TMEM238L: variants seen among roughly 807,000 people sequenced by gnomAD.
TMEM238L encodes transmembrane protein 238-like.
rs1904818369 is a variant in TMEM238L, at chr17:10,803,814, T to C, written c.150A>G (p.Thr50=). ...GGCTGAGAGCCAGGATCAGGGCACC[T>C]GTGTAGATGAAGAAGTCCCAGGAAC... is the stretch of plus-strand genomic sequence containing the variant. Residue 50 remains threonine (T), a synonymous_variant, in exon 1 of 2, where the codon ACA becomes ACG. Transcript: ENST00000581851. 7.5e-6 allele frequency: 3 copies of C among 399,602 alleles called. No individual in the cohort carries two copies. The East Asian group carries it at 1.1e-4, about 14-fold the overall frequency. The allele number at this position is 399,602 out of a possible 1,614,324, so 24.8% of individuals were successfully genotyped here.
At chr17:10,803,198 T>C (rs888738639) in intron 1 of TMEM238L, among the ~76,000 whole-genome samples, 2 of 151,922 alleles carry the variant, frequency 1.3e-5, no homozygotes, top group African/African-American at 4.8e-5. Flanking sequence ...GGCACAAGAG[T>C]CATTGGGGAA....
Position 10,799,934 on chromosome 17 carries a change from CT to C in TMEM238L, c.*118+3671del, listed in dbSNP as rs562811496. Among the ~76,000 whole-genome samples, 340 of 142,514 alleles carry C rather than the reference CT, an allele frequency of 2.4e-3. 1 individual carries two copies. Among genetic ancestry groups the C allele is most frequent in the Admixed American group, 3.8e-3 (54 of 14,170 alleles). The allele number at this position is 142,514 out of a possible 152,430, so 93.5% of individuals were successfully genotyped here. ...TTGAAACCTCCCTTGGAAACCACATCTTTTTTTTTTTTTTTGAGACGGAGTC... is the reference window on the plus strand; with the variant it reads ...TTGAAACCTCCCTTGGAAACCACATCTTTTTTTTTTTTTTGAGACGGAGTC... On this transcript the variant is annotated intron_variant, in intron 1 of 1. Transcript: ENST00000581851.
chr17:10,801,265 C>T (rs1364986998), intron 1 of TMEM238L, among the ~76,000 whole-genome samples: 2 of 152,100 alleles, frequency 1.3e-5, no homozygotes, highest in Non-Finnish European at 2.9e-5. Flanking sequence ...GTCTCGATCT[C>T]CTGACCTCGT....
intron 1 of TMEM238L, among the ~76,000 whole-genome samples, chr17:10,800,114 A>G (rs1904692319): frequency 6.6e-6 from 1 of 151,984 alleles, no homozygotes; most frequent in African/African-American, 2.4e-5. Flanking sequence ...GTGTATTTTT[A>G]GTAGAGACAG....
exon 1 of TMEM238L, chr17:10,803,997 T>G: frequency 5.0e-6 from 2 of 399,366 alleles, no homozygotes; most frequent in Non-Finnish European, 8.8e-6. Context: ...CCAGCTGCAC[T>G]CCCGGGGGTG....
intron 1 of TMEM238L, among the ~76,000 whole-genome samples, chr17:10,803,068 C>T (rs910880785): frequency 5.3e-5 from 8 of 151,802 alleles, no homozygotes; most frequent in South Asian, 2.1e-4. Context: ...GTCCCTACCC[C>T]GCTTCTTGTA....
intron 1 of TMEM238L, chr17:10,802,340 C>T (rs986074175): frequency 6.6e-6 from 1 of 152,164 alleles, no homozygotes; most frequent in African/African-American, 2.4e-5. Context: ...CTTTCCCTGC[C>T]TTATCTCTTT....
chr17:10,801,970 A>G (rs992629761), intron 1 of TMEM238L, among the ~76,000 whole-genome samples: 2 of 151,980 alleles, frequency 1.3e-5, no homozygotes, highest in Admixed American at 1.3e-4. Flanking sequence ...TTTGGTGGAG[A>G]TGGGGTTTCA....
chr17:10,796,574 G>A (rs1474077456), intron 1 of TMEM238L, among the ~76,000 whole-genome samples: 2 of 152,204 alleles, frequency 1.3e-5, no homozygotes, highest in African/African-American at 4.8e-5. Flanking sequence ...AGCATCATCT[G>A]ATTTCTGTCT....
At chr17:10,803,192 C>T (rs1235024092) in intron 1 of TMEM238L, among the ~76,000 whole-genome samples, 2 of 152,096 alleles carry the variant, frequency 1.3e-5, no homozygotes, top group African/African-American at 4.8e-5. Context: ...TGCAAGGGCA[C>T]AAGAGTCATT....
chr17:10,799,477 C>T (rs1436336825), intron 1 of TMEM238L, among the ~76,000 whole-genome samples: 1 of 152,202 alleles, frequency 6.6e-6, no homozygotes, highest in African/African-American at 2.4e-5. Context: ...GGATGACAGG[C>T]ATGAGCTATC....
At chr17:10,801,260 G>T (rs920397389) in intron 1 of TMEM238L, among the ~76,000 whole-genome samples, 1 of 152,010 alleles carries the variant, frequency 6.6e-6, no homozygotes, top group Admixed American at 6.6e-5. Flanking sequence ...CTGTGGTCTC[G>T]ATCTCCTGAC....
chr17:10,802,960 G>A (rs1904791598), intron 1 of TMEM238L, among the ~76,000 whole-genome samples: 1 of 152,172 alleles, frequency 6.6e-6, no homozygotes, highest in African/African-American at 2.4e-5. Context: ...GAGACTGGCT[G>A]GGCACATGTG....
At chr17:10,800,670 C>T (rs577210366) in intron 1 of TMEM238L, among the ~76,000 whole-genome samples, 18 of 152,272 alleles carry the variant, frequency 1.2e-4, no homozygotes, top group Admixed American at 5.9e-4. Context: ...ATCTTTATGA[C>T]GTAGTGGCTA....
chr17:10,799,420 A>G (rs997106518), intron 1 of TMEM238L, among the ~76,000 whole-genome samples: 3 of 152,136 alleles, frequency 2.0e-5, no homozygotes, highest in African/African-American at 7.2e-5. Flanking sequence ...CTGGTCTCCA[A>G]CTTCTGGCCT....
intron 1 of TMEM238L, among the ~76,000 whole-genome samples, chr17:10,797,164 A>G (rs1025741821): frequency 6.6e-6 from 1 of 152,276 alleles, no homozygotes; most frequent in East Asian, 1.9e-4. Context: ...GCCTAGTTCC[A>G]TTATGCTGGG....
At chr17:10,800,995 TCCAATTATGTTAAG>T (rs1170627607) in intron 1 of TMEM238L, among the ~76,000 whole-genome samples, 1 of 151,812 alleles carries the variant, frequency 6.6e-6, no homozygotes, top group Non-Finnish European at 1.5e-5. Context: ...GAAACACAGG[TCCAATTATGTTAAG>T]CCCCTGCCTC....
chr17:10,797,430 T>C, intron 1 of TMEM238L, among the ~76,000 whole-genome samples: 1 of 103,844 alleles, frequency 9.6e-6, no homozygotes, highest in South Asian at 3.6e-4. Flanking sequence ...CCTTCCTCAC[T>C]CTCCCAATCC....
At chr17:10,801,838 G>A (rs1904756909) in intron 1 of TMEM238L, among the ~76,000 whole-genome samples, 1 of 151,852 alleles carries the variant, frequency 6.6e-6, no homozygotes. Context: ...TTGGAATGCA[G>A]TGGTGCAATC....
Sources: gnomAD v4.1 joint callset for allele counts (sites outside exome capture counted in the v4.1 genomes callset) on GRCh38, gnomAD v4.1.1 for gene constraint, MANE v1.5 for transcripts, NCBI Gene and HGNC (gene_info 2026-07-23, HGNC 2026-07-21) for gene names.